LETM2: variants seen among roughly 807,000 people sequenced by gnomAD.
LETM2 encodes LETM1 domain-containing protein LETM2, mitochondrial.
Under a neutral mutation model 59.6 loss-of-function variants are expected in LETM2, and 58 were observed. The ratio of observed to expected loss-of-function variants is 0.97; its 90% CI spans 0.79 to 1.21. LETM2 has a LOEUF of 1.21. LETM2 is among the 50% of genes most tolerant of loss of function. LETM2 has a pLI of 0.00. For synonymous variants in LETM2, 199 were observed against 214.1 expected (o/e 0.93, Z 0.62); for missense variants, 572 against 575.7 (o/e 0.99, Z 0.07).
intron 8 of LETM2, among the ~76,000 whole-genome samples, chr8:38,406,063 C>T (rs2150456077): frequency 6.6e-6 from 1 of 152,234 alleles, no homozygotes; most frequent in East Asian, 1.9e-4. Flanking sequence ...CCTCCAAAGT[C>T]CACAAATTAC....
chr8:38,397,088 C>T (rs1285642337), intron 4 of LETM2: 2 of 455,888 alleles, frequency 4.4e-6, no homozygotes, highest in Admixed American at 2.4e-5. Context: ...CTCCTTCCTT[C>T]TCCCCGTTCT....
intron 4 of LETM2, 83 bp downstream of exon 4, chr8:38,394,324 C>T (rs557828486): frequency 1.0e-5 from 7 of 685,952 alleles, no homozygotes; most frequent in Non-Finnish European, 1.6e-5. Flanking sequence ...GCAGAAAGTA[C>T]TACTTCTCCC....
intron 4 of LETM2, chr8:38,396,959 G>A (rs2150428083): frequency 2.8e-6 from 1 of 359,294 alleles, no homozygotes; most frequent in Admixed American, 3.8e-5. Context: ...TGTTACCGCG[G>A]TGACTAGTGG....
chr8:38,382,981 C>A (rs1811640381), upstream of LETM2: 1 of 152,196 alleles, frequency 6.6e-6, no homozygotes, highest in Non-Finnish European at 1.5e-5. This position sits in a 1 kb window ranked among gnomAD's most constrained non-coding sequence, Gnocchi z 4.2. Context: ...CGGCCCCGCG[C>A]GCCTCTTCCT....
intron 4 of LETM2, among the ~76,000 whole-genome samples, chr8:38,398,920 G>A (rs140196756): frequency 4.3e-4 from 65 of 151,966 alleles, no homozygotes; most frequent in African/African-American, 1.4e-3. Context: ...GGGTTTCACC[G>A]TGACAGGCCA....
At chr8:38,394,409 A>C (rs987527274) in intron 4 of LETM2, 168 bp downstream of exon 4, 1 of 445,310 alleles carries the variant, frequency 2.2e-6, no homozygotes. Flanking sequence ...GATTAAAAAA[A>C]CCAATATTGA....
intron 8 of LETM2, among the ~76,000 whole-genome samples, chr8:38,405,848 C>A (rs1287899819): frequency 6.6e-6 from 1 of 152,202 alleles, no homozygotes; most frequent in Non-Finnish European, 1.5e-5. Flanking sequence ...AGCTCTTTAT[C>A]CAGATGTTGC....
In LETM2 at chr8:38,392,709, G is replaced by C; in HGVS notation, c.215G>C (p.Arg72Thr). The C allele has an allele frequency of 1.9e-6, 3 of 1,614,156 alleles. No homozygotes were observed. The highest frequency in any genetic ancestry group is 1.7e-6 in the Non-Finnish European group (2 of 1,180,036). ...PGNTVLHPGTRLIQKLHTSTC... is the reference protein window; with the variant it reads ...PGNTVLHPGTTLIQKLHTSTC... ...AATACAGTACTTCACCCAGGAACTA[G>C]ACTAATACAAAAGCTACACACATCC... is the stretch of plus-strand genomic sequence containing the variant. Residue 72 changes from arginine (R) to threonine (T), a missense_variant, in exon 3 of 11, where the codon AGA becomes ACA. Coordinates refer to ENST00000379957, the MANE Select transcript of LETM2 (RefSeq NM_001286819.2).
chr8:38,393,292 A>G (rs1234976045), intron 3 of LETM2: 1 of 276,224 alleles, frequency 3.6e-6, no homozygotes, highest in East Asian at 7.5e-5. Flanking sequence ...AATCTTTCCA[A>G]GAAGTTGAGG....
intron 4 of LETM2, among the ~76,000 whole-genome samples, chr8:38,398,125 G>C (rs1396263660): frequency 6.8e-6 from 1 of 147,244 alleles, no homozygotes; most frequent in African/African-American, 2.5e-5. Flanking sequence ...GGGCGACAGA[G>C]TGAGATTTTT....
intron 5 of LETM2, 160 bp downstream of exon 5, chr8:38,400,569 A>G (rs1345734438): frequency 1.1e-5 from 8 of 744,654 alleles, no homozygotes; most frequent in Non-Finnish European, 1.6e-5. Flanking sequence ...ATAAACATTG[A>G]TAGTAGTTTG....
rs780881691 is a variant in LETM2 at position 38,402,541 on chromosome 8, G to C, written c.1001G>C (p.Gly334Ala). 6.2e-7 allele frequency: 1 copy of C among 1,613,934 alleles called. No individual in the cohort carries two copies. Among genetic ancestry groups the C allele is most frequent in the Non-Finnish European group, 8.5e-7 (1 of 1,179,842 alleles). Residue 334 changes from glycine to alanine, a missense_variant, in exon 7 of 11, where the codon GGG (glycine) becomes GCG (alanine). Gly to Ala is a moderately conservative substitution (Grantham distance 60). Transcript: ENST00000379957. ...KADDEIIAKE[G>A]VTALSVSELQ... ...TTCTTTCAGATAATTGCCAAGGAAG[G>C]GGTGACAGCATTGAGTGTATCAGAA...
At chr8:38,386,282 C>T, upstream of LETM2, 1 of 152,448 alleles carries the variant, frequency 6.6e-6, no homozygotes, top group Non-Finnish European at 1.5e-5. Context: ...AAAAACGTCA[C>T]CTTCGGGCCC....
chr8:38,384,560 A>T (rs1585951449), upstream of LETM2, among the ~76,000 whole-genome samples: 1 of 152,218 alleles, frequency 6.6e-6, no homozygotes, highest in Non-Finnish European at 1.5e-5. Context: ...TGGAGGAAAA[A>T]ATATTTTTTT....
intron 4 of LETM2, among the ~76,000 whole-genome samples, chr8:38,399,948 A>AG (rs1813040934): frequency 2.0e-5 from 3 of 150,142 alleles, no homozygotes; most frequent in African/African-American, 5.0e-5. Flanking sequence ...TTGATCTCAA[A>AG]AAGAGAGAGA....
chr8:38,385,295 A>G (rs1811728215), upstream of LETM2, among the ~76,000 whole-genome samples: 1 of 152,252 alleles, frequency 6.6e-6, no homozygotes. Context: ...TGTGTAGCCC[A>G]GATGAGTAAA....
intron 4 of LETM2, chr8:38,397,190 T>C: frequency 2.2e-6 from 1 of 455,314 alleles, no homozygotes; most frequent in African/African-American, 2.0e-5. Context: ...TTTTTTTTTT[T>C]TTTTGAGACG....
chr8:38,397,153 CATT>C (rs1563390014), intron 4 of LETM2: 4 of 455,482 alleles, frequency 8.8e-6, no homozygotes, highest in South Asian at 4.7e-5. Context: ...GTGAACAAAA[CATT>C]ATGAGAAGAC....
At chr8:38,383,929 CAAAA>C (rs34110368), upstream of LETM2, among the ~76,000 whole-genome samples, 1 of 121,030 alleles carries the variant, frequency 8.3e-6, no homozygotes, top group Non-Finnish European at 1.7e-5. Flanking sequence ...GGCTATGTCT[CAAAA>C]AAAAAAAAAA....
Sources: allele counts gnomAD v4.1 joint callset (sites outside exome capture counted in the v4.1 genomes callset), GRCh38; gene constraint gnomAD v4.1.1; non-coding constraint Gnocchi (gnomAD v3.1); transcripts MANE v1.5; gene names NCBI Gene and HGNC (gene_info 2026-07-23, HGNC 2026-07-21).